Variants in ALPK2 observed in about 807,000 individuals in gnomAD.
ALPK2 encodes alpha kinase 2.
In ALPK2, 127 loss-of-function variants were observed where a neutral mutation model predicts 163.1. The observed-to-expected ratio is 0.78, with a 90% CI of 0.67 to 0.90. The LOEUF is 0.90. Ranked by LOEUF, ALPK2 falls within the 40% of genes least tolerant of loss-of-function variation. ALPK2 has a pLI of 0.00. For synonymous variants in ALPK2, 953 were observed against 959.1 expected, an observed-to-expected ratio of 0.99 and a Z score of 0.12; for missense variants, 2,360 against 2,589.6, an observed-to-expected ratio of 0.91 and a Z score of 1.92.
intron 12 of ALPK2, among the ~76,000 whole-genome samples, chr18:58,485,958 G>A (rs2051336792): frequency 9.5e-6 from 1 of 105,182 alleles, no homozygotes; most frequent in African/African-American, 3.0e-5. Context: ...TCTCTGCAGA[G>A]AAAAATAACT....
intron 2 of ALPK2, among the ~76,000 whole-genome samples, chr18:58,609,669 T>C (rs2052117544): frequency 6.6e-6 from 1 of 152,150 alleles, no homozygotes; most frequent in Admixed American, 6.5e-5. Context: ...AGGGAAGTGG[T>C]ATCTGGTATC....
Position 58,580,077 on chromosome 18 carries a change from C to T in ALPK2, c.699G>A (p.Lys233=), listed in dbSNP as rs765596824. Residue 233 remains lysine, a synonymous_variant, in exon 4 of 13, where the codon AAG becomes AAA. Coordinates refer to ENST00000361673, the MANE Select transcript of ALPK2 (RefSeq NM_052947.4). ...IYEKQDRCCH[K]TVHSMASKFT... The stretch of plus-strand genomic sequence containing the variant: ...ACTTTGATGCCATGGAATGCACTGT[C>T]TTGTGGCAACATCTGTCTTGTTTTT... 9.3e-6 allele frequency: 15 copies of T among 1,614,136 alleles called. No homozygotes were observed. The South Asian group carries it at 9.9e-5, about 11-fold the overall frequency.
intron 1 of ALPK2, among the ~76,000 whole-genome samples, chr18:58,626,421 G>A (rs1188130298): frequency 6.6e-6 from 1 of 152,100 alleles, no homozygotes; most frequent in Non-Finnish European, 1.5e-5. Flanking sequence ...CCAAAGGCTA[G>A]TCCACTTCAA....
At chr18:58,521,704 T>C (rs2051554534) in intron 8 of ALPK2, among the ~76,000 whole-genome samples, 1 of 141,482 alleles carries the variant, frequency 7.1e-6, no homozygotes, top group South Asian at 2.4e-4. Context: ...CTCAGCTCAC[T>C]GCAACCTCCA....
At chr18:58,512,869 T>C (rs575133110) in intron 10 of ALPK2, among the ~76,000 whole-genome samples, 2,416 of 137,252 alleles carry the variant, frequency 0.018, 27 homozygotes, top group Non-Finnish European at 0.026. Context: ...GTGTGTTGTA[T>C]GTGTGGTGTG....
intron 6 of ALPK2, among the ~76,000 whole-genome samples, chr18:58,525,041 G>GT (rs1210473168): frequency 1.3e-5 from 2 of 151,254 alleles, no homozygotes; most frequent in Non-Finnish European, 2.9e-5. Context: ...AAGATTCTGT[G>GT]TATGTATGTG....
At chr18:58,496,622 G>A (rs1322201179) in intron 12 of ALPK2, among the ~76,000 whole-genome samples, 3 of 152,134 alleles carry the variant, frequency 2.0e-5, no homozygotes, top group East Asian at 1.9e-4. Flanking sequence ...TTGTTGGATC[G>A]TGGCTGACAC....
chr18:58,586,929 T>A (rs1237890137), intron 3 of ALPK2, among the ~76,000 whole-genome samples: 2 of 152,030 alleles, frequency 1.3e-5, no homozygotes, highest in East Asian at 3.9e-4. Flanking sequence ...TAGGAGGCCA[T>A]GCACATGCAT....
intron 4 of ALPK2, among the ~76,000 whole-genome samples, chr18:58,548,773 GACA>G (rs149505896): frequency 1.3e-5 from 2 of 152,260 alleles, no homozygotes; most frequent in African/African-American, 2.4e-5. Flanking sequence ...CGCTGAGAGG[GACA>G]ACAACATTAA....
intron 4 of ALPK2, among the ~76,000 whole-genome samples, chr18:58,563,122 A>G (rs2051833535): frequency 6.6e-6 from 1 of 152,180 alleles, no homozygotes; most frequent in African/African-American, 2.4e-5. Flanking sequence ...TAGAAATATA[A>G]GAAAGGAAAT....
chr18:58,578,574 A>G (rs543781766), intron 4 of ALPK2: 64 of 387,610 alleles, frequency 1.7e-4, no homozygotes, highest in Middle Eastern at 6.8e-4. Flanking sequence ...GTCTTTTGCT[A>G]TAATTAGGAT....
chr18:58,490,578 A>G (rs1342802731), intron 12 of ALPK2, among the ~76,000 whole-genome samples: 2 of 151,562 alleles, frequency 1.3e-5, no homozygotes, highest in Non-Finnish European at 2.9e-5. Flanking sequence ...GCTACCCCCA[A>G]CAGAAACCAA....
intron 10 of ALPK2, among the ~76,000 whole-genome samples, chr18:58,512,824 G>A (rs2051498545): frequency 7.3e-6 from 1 of 137,584 alleles, no homozygotes; most frequent in Admixed American, 7.4e-5. Flanking sequence ...GTGCATGTAT[G>A]AGGTGTGTGT....
chr18:58,515,662 A>G (rs969856726), intron 9 of ALPK2, among the ~76,000 whole-genome samples: 1 of 152,216 alleles, frequency 6.6e-6, no homozygotes, highest in Non-Finnish European at 1.5e-5. Context: ...TGGGAGAAGA[A>G]AGGAATACAA....
intron 12 of ALPK2, among the ~76,000 whole-genome samples, chr18:58,491,644 G>A (rs1442136203): frequency 1.3e-5 from 2 of 151,676 alleles, no homozygotes; most frequent in African/African-American, 2.4e-5. Flanking sequence ...CCCACTTCCC[G>A]ACCCCCAATC....
intron 1 of ALPK2, among the ~76,000 whole-genome samples, chr18:58,614,150 G>A (rs1312594235): frequency 1.3e-5 from 2 of 152,174 alleles, no homozygotes; most frequent in Admixed American, 6.5e-5. Context: ...GGAAAGAGCC[G>A]TAATGTTGAA....
chr18:58,578,738 A>ACACACGCGCGCACGTGCGCGCG lies in ALPK2; in HGVS notation c.1962+75_1962+76insCGCGCGCACGTGCGCGCGTGTG, dbSNP rs138127797. 8.8e-5 allele frequency: 82 copies of ACACACGCGCGCACGTGCGCGCG among 936,764 alleles called. No homozygotes were observed. In the South Asian group the frequency reaches 1.4e-3, roughly 16 times the overall value. The allele number at this position is 936,764 out of a possible 1,614,324, so 58.0% of individuals were successfully genotyped here. On this transcript the variant is annotated intron_variant, in intron 4 of 12. Transcript: ENST00000361673. Reference sequence around the variant, plus strand: ...GAATGTGAAGTAAAGGAAGAGACACACACACACACACACACACACACACAC... The same window carrying ACACACGCGCGCACGTGCGCGCG: ...GAATGTGAAGTAAAGGAAGAGACACACACACGCGCGCACGTGCGCGCGCACACACACACACACACACACACAC...
chr18:58,590,040 A>G (rs149230996), intron 3 of ALPK2, among the ~76,000 whole-genome samples: 325 of 151,866 alleles, frequency 2.1e-3, no homozygotes, highest in Admixed American at 0.011. Flanking sequence ...CAACATGTTG[A>G]AACCTCGTCT....
chr18:58,486,307 C>T (rs12604909), intron 12 of ALPK2, among the ~76,000 whole-genome samples: 77,283 of 151,696 alleles, frequency 0.51, 21,055 homozygotes, highest in East Asian at 0.83. Flanking sequence ...CTTTCTCAGC[C>T]CTTAGCTACC....
Sources: gnomAD v4.1 joint callset for allele counts (sites outside exome capture counted in the v4.1 genomes callset) on GRCh38, gnomAD v4.1.1 for gene constraint, MANE v1.5 for transcripts, NCBI Gene and HGNC (gene_info 2026-07-23, HGNC 2026-07-21) for gene names.